The following EARS2 variants were observed in gnomAD, a reference collection of about 807,000 sequenced individuals.
The protein encoded by EARS2 is glutamyl-tRNA synthetase 2, mitochondrial, also known as nondiscriminating glutamyl-tRNA synthetase EARS2, mitochondrial.
In EARS2, 50 loss-of-function variants were observed where a neutral mutation model predicts 54.1. The ratio of observed to expected loss-of-function variants is 0.92; its 90% confidence interval spans 0.74 to 1.17. EARS2 has a LOEUF of 1.17. Ranked by LOEUF, EARS2 falls within the 50% of genes most tolerant of loss-of-function variation. The probability of loss-of-function intolerance (pLI) is 0.00; values close to 1 mark genes in which losing one functional copy is unlikely to be tolerated. For missense variants in EARS2, 673 were observed against 675.0 expected (o/e 1.00, Z 0.03); for synonymous variants, 298 against 281.0 (o/e 1.06, Z -0.61).
intron 7 of EARS2, among the ~76,000 whole-genome samples, chr16:23,525,908 G>T (rs1026630590): frequency 3.3e-5 from 5 of 150,926 alleles, no homozygotes; most frequent in Admixed American, 2.6e-4. Flanking sequence ...TGAGGCAGAA[G>T]AATTGCTTGA....
chr16:23,526,110 CT>C lies in EARS2; in HGVS notation c.1353-732del, dbSNP rs55859005. Among the ~76,000 whole-genome samples the C allele has an allele frequency of 2.5e-3, 299 of 119,944 alleles. 1 individual carries two copies. Among genetic ancestry groups the C allele is most frequent in the African/African-American group, 8.1e-3 (256 of 31,546 alleles). The allele number at this position is 119,944 out of a possible 152,430, so 78.7% of individuals were successfully genotyped here. On this transcript the variant is annotated intron_variant, in intron 7 of 8. Transcript: ENST00000449606. Reference sequence around the variant, plus strand: ...CATGATAAATACTCAGAAATATTACCTTTTTTTTTTTTTTTTTTTGGAGATG... The same window carrying C: ...CATGATAAATACTCAGAAATATTACCTTTTTTTTTTTTTTTTTTGGAGATG...
At chr16:23,540,334 C>A (rs1965492148) in intron 3 of EARS2, among the ~76,000 whole-genome samples, 1 of 152,022 alleles carries the variant, frequency 6.6e-6, no homozygotes, top group African/African-American at 2.4e-5. Flanking sequence ...AATATTCTGT[C>A]AAGAGACAAA....
chr16:23,548,227 C>G (rs981976523), intron 2 of EARS2, among the ~76,000 whole-genome samples: 4 of 128,294 alleles, frequency 3.1e-5, no homozygotes, highest in Non-Finnish European at 6.7e-5. Context: ...GAGCGAGACT[C>G]CATCTCAATA....
At chr16:23,534,011 G>A (rs963825949) in intron 4 of EARS2, among the ~76,000 whole-genome samples, 4 of 151,322 alleles carry the variant, frequency 2.6e-5, no homozygotes, top group Non-Finnish European at 4.4e-5. Context: ...AGCCGAGATC[G>A]CGCCATTGCA....
intron 4 of EARS2, 118 bp from the exon 5 acceptor site, chr16:23,532,883 C>T (rs950708340): frequency 1.8e-5 from 12 of 654,800 alleles, no homozygotes; most frequent in African/African-American, 1.8e-4. Context: ...TGCAATGGTA[C>T]AATCCTAGCT....
chr16:23,544,776 T>A, intron 2 of EARS2, 73 bp from the exon 3 acceptor site: 1 of 1,313,422 alleles, frequency 7.6e-7, no homozygotes, highest in Non-Finnish European at 1.0e-6. Context: ...AAGCACTTTA[T>A]GCACATATTA....
chr16:23,530,671 C>G (rs1965311892), intron 5 of EARS2, among the ~76,000 whole-genome samples: 1 of 152,054 alleles, frequency 6.6e-6, no homozygotes, highest in African/African-American at 2.4e-5. Flanking sequence ...AGTTTAAGAC[C>G]AACCTAGCAA....
chr16:23,536,271 G>C (rs1597014495), intron 3 of EARS2, among the ~76,000 whole-genome samples: 1 of 152,310 alleles, frequency 6.6e-6, no homozygotes, highest in East Asian at 1.9e-4. Flanking sequence ...ATGCTTGTAA[G>C]GTTAGTCTTT....
At position 23,552,269 on chromosome 16, in the gene EARS2, A is replaced by G; in HGVS notation, c.175T>C (p.Tyr59His). The G allele has an allele frequency of 1.2e-6, 2 of 1,614,222 alleles. No individual in the cohort carries two copies. Among genetic ancestry groups the G allele is most frequent in the Non-Finnish European group, 1.7e-6 (2 of 1,180,034 alleles). ...LHLGGLRTAL[Y>H]NYIFAKKYQG... ...TACTTCTTAGCAAAGATGTAGTTGT[A>G]CAAGGCAGTGCGGAGGCCACCCAGG... is the stretch of plus-strand genomic sequence containing the variant. Residue 59 changes from tyrosine to histidine, a missense_variant, in exon 2 of 9, where the codon TAC (tyrosine) becomes CAC (histidine). By Grantham distance (83) the Tyr-to-His change is moderately conservative (BLOSUM62 2). Coordinates refer to ENST00000449606, the MANE Select transcript of EARS2 (RefSeq NM_001083614.2).
In EARS2 at chr16:23,521,704, T is replaced by C; in HGVS notation, c.*2667A>G. Reference sequence around the variant, plus strand: ...GTCCTTTTGTGACTGACATTTCATTTAGCATGAAGTCCTAGAGGTTCATCC... The same window carrying C: ...GTCCTTTTGTGACTGACATTTCATTCAGCATGAAGTCCTAGAGGTTCATCC... On this transcript the variant is annotated 3_prime_UTR_variant, in exon 9 of 9. Coordinates refer to ENST00000449606, the MANE Select transcript of EARS2 (RefSeq NM_001083614.2). 1 of 454,418 alleles carries C rather than the reference T, an allele frequency of 2.2e-6. No individual in the cohort carries two copies. Among genetic ancestry groups the C allele is most frequent in the South Asian group, 1.5e-5 (1 of 64,520 alleles). The allele number at this position is 454,418 out of a possible 1,614,324, so 28.1% of individuals were successfully genotyped here.
At chr16:23,554,870 CTTCT>C (rs1965751177) in intron 1 of EARS2, among the ~76,000 whole-genome samples, 1 of 152,144 alleles carries the variant, frequency 6.6e-6, no homozygotes, top group African/African-American at 2.4e-5. Context: ...AAATAAGAAC[CTTCT>C]TTATTATAGG....
Position 23,521,773 on chromosome 16 carries a change from A to G in EARS2, c.*2598T>C, listed in dbSNP as rs1965145231. On this transcript the variant is annotated 3_prime_UTR_variant, in exon 9 of 9. Coordinates refer to ENST00000449606, the MANE Select transcript of EARS2 (RefSeq NM_001083614.2). ...AATCGACTTAGTATTTTGACCACTCACTTTGTTAAAAACACTCACTTGACC... is the reference window on the plus strand; with the variant it reads ...AATCGACTTAGTATTTTGACCACTCGCTTTGTTAAAAACACTCACTTGACC... 1.1e-5 allele frequency: 5 copies of G among 455,872 alleles called. No homozygotes were observed. Among genetic ancestry groups the G allele is most frequent in the African/African-American group, 8.0e-5 (4 of 50,058 alleles). The allele number at this position is 455,872 out of a possible 1,614,324, so 28.2% of individuals were successfully genotyped here. A position where few individuals can be genotyped will look rare whatever the true frequency, so the allele number is the denominator to read the frequency against.
In EARS2 at chr16:23,523,789, G is replaced by A. The variant is rs1567376221; in HGVS notation, c.*582C>T. 1 of 151,424 alleles carries A rather than the reference G, an allele frequency of 6.6e-6. No homozygotes were observed. The highest frequency in any genetic ancestry group is 6.6e-5 in the Admixed American group (1 of 15,074). The allele number at this position is 151,424 out of a possible 1,614,324, so 9.4% of individuals were successfully genotyped here. The stretch of plus-strand genomic sequence containing the variant: ...TGAGGCTGGTTAAAGTTAAAATCCA[G>A]TCCAACTGGTGTTCTTAGAAGAGGA... On this transcript the variant is annotated 3_prime_UTR_variant, in exon 9 of 9. Transcript: ENST00000449606.
chr16:23,526,536 C>T (rs1044321418), intron 7 of EARS2, among the ~76,000 whole-genome samples: 2 of 151,996 alleles, frequency 1.3e-5, no homozygotes, highest in Non-Finnish European at 2.9e-5. Flanking sequence ...CTTGCAGGCA[C>T]AACAAAAAAG....
At chr16:23,544,443 T>A in intron 3 of EARS2, 71 bp downstream of exon 3, 1 of 1,462,936 alleles carries the variant, frequency 6.8e-7, no homozygotes, top group Non-Finnish European at 9.3e-7. Flanking sequence ...TTAGGGGAAT[T>A]TCTTACGCAG....
chr16:23,541,639 T>C (rs1340974521), intron 3 of EARS2, among the ~76,000 whole-genome samples: 1 of 152,104 alleles, frequency 6.6e-6, no homozygotes, highest in Non-Finnish European at 1.5e-5. Context: ...GAGAGCAGAA[T>C]TGAGTGGCCA....
chr16:23,553,895 C>G (rs1332262641), intron 1 of EARS2, among the ~76,000 whole-genome samples: 1 of 142,504 alleles, frequency 7.0e-6, no homozygotes, highest in Non-Finnish European at 1.5e-5. Context: ...GACTCCATCT[C>G]CAAAAAAAAA....
intron 1 of EARS2, chr16:23,556,934 C>T: frequency 1.5e-6 from 1 of 670,198 alleles, no homozygotes. Flanking sequence ...ACACCTGTTA[C>T]ACAGGTTGTC....
chr16:23,548,755 A>G (rs1007012201), intron 2 of EARS2, among the ~76,000 whole-genome samples: 1 of 152,194 alleles, frequency 6.6e-6, no homozygotes, highest in Admixed American at 6.5e-5. Flanking sequence ...GTCAGGATAG[A>G]GTCCATGACT....
Sources: gnomAD v4.1 joint callset for allele counts (sites outside exome capture counted in the v4.1 genomes callset) on GRCh38, gnomAD v4.1.1 for gene constraint, MANE v1.5 for transcripts, NCBI Gene and HGNC (gene_info 2026-07-23, HGNC 2026-07-21) for gene names.